Variants in ANKRD6 observed in about 807,000 individuals in gnomAD.
The protein encoded by ANKRD6 is ankyrin repeat domain-containing protein 6.
ANKRD6 carries 56 observed loss-of-function variants against 82.3 expected under a neutral mutation model. That is an observed-to-expected ratio of 0.68 (90% CI 0.55 to 0.85). The LOEUF is 0.85. Among genes scored for constraint, ANKRD6 ranks in the 40% least tolerant of loss-of-function variants. The probability of loss-of-function intolerance (pLI) is 0.00; values close to 1 mark genes in which losing one functional copy is unlikely to be tolerated. For missense variants in ANKRD6, 852 were observed against 907.6 expected (o/e 0.94, Z 0.79); for synonymous variants, 347 against 352.1 (o/e 0.99, Z 0.16).
At chr6:89,552,710 C>A (rs779184345) in intron 1 of ANKRD6, among the ~76,000 whole-genome samples, 2 of 152,140 alleles carry the variant, frequency 1.3e-5, no homozygotes, top group Non-Finnish European at 2.9e-5. Flanking sequence ...GGGAGTAGCT[C>A]CCTAGCGTAT....
chr6:89,625,811 A>C (rs570253740), intron 13 of ANKRD6, among the ~76,000 whole-genome samples: 3 of 148,472 alleles, frequency 2.0e-5, no homozygotes, highest in African/African-American at 7.5e-5. Flanking sequence ...TCAGCTCACT[A>C]CAGCCTCTGC....
intron 3 of ANKRD6, among the ~76,000 whole-genome samples, chr6:89,601,077 A>G (rs1797035668): frequency 6.6e-6 from 1 of 152,144 alleles, no homozygotes; most frequent in Admixed American, 6.6e-5. Flanking sequence ...AGTATCTCAT[A>G]TGATTACTAG....
At chr6:89,449,545 A>G (rs1772548658) in intron 1 of ANKRD6, among the ~76,000 whole-genome samples, 1 of 152,216 alleles carries the variant, frequency 6.6e-6, no homozygotes, top group Admixed American at 6.5e-5. Context: ...GACTGTCTCA[A>G]AGACTTTCCA....
At chr6:89,441,795 G>A (rs1238406901) in intron 1 of ANKRD6, among the ~76,000 whole-genome samples, 1 of 151,746 alleles carries the variant, frequency 6.6e-6, no homozygotes, top group East Asian at 1.9e-4. Context: ...ACCACACCCA[G>A]CTAACTTTGT....
intron 1 of ANKRD6, among the ~76,000 whole-genome samples, chr6:89,497,852 C>T (rs1438772528): frequency 1.3e-5 from 2 of 152,154 alleles, no homozygotes; most frequent in African/African-American, 4.8e-5. Context: ...AAAAAGTTTC[C>T]TAATGCCATT....
chr6:89,596,306 G>T (rs1292425478), intron 3 of ANKRD6, among the ~76,000 whole-genome samples: 1 of 151,982 alleles, frequency 6.6e-6, no homozygotes, highest in African/African-American at 2.4e-5. Flanking sequence ...GCCTCAAAGG[G>T]GATTTTTGCC....
At chr6:89,577,965 C>A (rs547288147) in intron 2 of ANKRD6, among the ~76,000 whole-genome samples, 2 of 152,300 alleles carry the variant, frequency 1.3e-5, no homozygotes, top group East Asian at 3.9e-4. Context: ...CCATTTGATA[C>A]CTACCACTCT....
chr6:89,448,844 C>A (rs1189868730), intron 1 of ANKRD6, among the ~76,000 whole-genome samples: 1 of 151,870 alleles, frequency 6.6e-6, no homozygotes, highest in African/African-American at 2.4e-5. Context: ...TCTTGGCTAA[C>A]ACGGTGAAAC....
At chr6:89,506,590 C>T (rs2875570) in intron 1 of ANKRD6, among the ~76,000 whole-genome samples, 8,833 of 152,282 alleles carry the variant, frequency 0.058, 292 homozygotes, top group South Asian at 0.13. Context: ...GCTGAGATTA[C>T]AGGCGTAAGC....
At chr6:89,604,809 T>C (rs1463838854) in intron 4 of ANKRD6, among the ~76,000 whole-genome samples, 1 of 152,162 alleles carries the variant, frequency 6.6e-6, no homozygotes, top group African/African-American at 2.4e-5. Flanking sequence ...AGACTTCCCC[T>C]TGTGGAGGTC....
At chr6:89,509,047 G>A (rs1249138073) in intron 1 of ANKRD6, 1 of 152,350 alleles carries the variant, frequency 6.6e-6, no homozygotes, top group African/African-American at 2.4e-5. Flanking sequence ...CAACTAACCA[G>A]GGCTCTGGGT....
chr6:89,526,712 A>G (rs1782541744), intron 1 of ANKRD6, among the ~76,000 whole-genome samples: 1 of 152,220 alleles, frequency 6.6e-6, no homozygotes, highest in South Asian at 2.1e-4. Context: ...GAGAAGTCCC[A>G]TGATCTGCCA....
At chr6:89,596,083 G>C in intron 3 of ANKRD6, 69 bp downstream of exon 3, 9 of 1,345,232 alleles carry the variant, frequency 6.7e-6, no homozygotes, top group Non-Finnish European at 9.4e-6. Flanking sequence ...AATCCACAAA[G>C]TGTAAGCTGT....
In ANKRD6 at chr6:89,613,796, G is replaced by A; in HGVS notation, c.521G>A (p.Gly174Glu). ...GSRADLKNNA[G>E]DTCLHVAARY... ...GAGTTTGATTTTTGTCCGCAGGCAG[G>A]AGACACCTGTTTGCACGTTGCTGCG... The change falls in exon 7 of 16, where the codon GGA (glycine) becomes GAA (glutamate). Residue 174 changes from glycine (G) to glutamate (E), a missense_variant. Transcript: ENST00000339746. 1 of 1,613,954 alleles carries A rather than the reference G, an allele frequency of 6.2e-7. No individual in the cohort carries two copies. Among genetic ancestry groups the A allele is most frequent in the Non-Finnish European group, 8.5e-7 (1 of 1,179,868 alleles).
Position 89,583,121 on chromosome 6 carries a change from G to A in ANKRD6, c.121-12795G>A, listed in dbSNP as rs1354828876. Among the ~76,000 whole-genome samples the A allele has an allele frequency of 2.6e-5, 4 of 152,186 alleles. No homozygotes were observed. In the East Asian group the frequency reaches 5.8e-4, roughly 22 times the overall value. The stretch of plus-strand genomic sequence containing the variant: ...CTGGGCTTGGGGATTTTTCAGAGCA[G>A]CAAGGCAGAGAACTACTCACTGCTG... On this transcript the variant is annotated intron_variant, in intron 2 of 15. Transcript: ENST00000339746.
chr6:89,509,987 C>T (rs181203014), intron 1 of ANKRD6, among the ~76,000 whole-genome samples: 35 of 152,316 alleles, frequency 2.3e-4, no homozygotes, highest in Non-Finnish European at 3.5e-4. Context: ...GATGGGCTTG[C>T]GTTTCCTGGC....
At chr6:89,557,988 C>A (rs1786853147) in intron 1 of ANKRD6, among the ~76,000 whole-genome samples, 1 of 152,014 alleles carries the variant, frequency 6.6e-6, no homozygotes, top group African/African-American at 2.4e-5. Context: ...ATAATTATTT[C>A]ATCATATATT....
chr6:89,434,125 GC>G (rs1770324455), intron 1 of ANKRD6, among the ~76,000 whole-genome samples: 3 of 152,180 alleles, frequency 2.0e-5, no homozygotes, highest in South Asian at 4.1e-4. Flanking sequence ...GCCACTTCGG[GC>G]CCGTGAGATG....
chr6:89,439,178 A>G (rs907753683), intron 1 of ANKRD6, among the ~76,000 whole-genome samples: 1 of 152,198 alleles, frequency 6.6e-6, no homozygotes, highest in Non-Finnish European at 1.5e-5. Context: ...ACTCAGAATC[A>G]TCCAACCATG....
Sources: allele counts gnomAD v4.1 joint callset (sites outside exome capture counted in the v4.1 genomes callset), GRCh38; gene constraint gnomAD v4.1.1; transcripts MANE v1.5; gene names NCBI Gene and HGNC (gene_info 2026-07-23, HGNC 2026-07-21).